The following VGLL4 variants were observed in gnomAD, a reference collection of about 807,000 sequenced individuals.
VGLL4 encodes transcription cofactor vestigial-like protein 4.
VGLL4 carries 7 observed loss-of-function variants against 21.0 expected under a neutral mutation model. That is an observed-to-expected ratio of 0.33 (90% CI 0.19 to 0.63). The LOEUF is 0.63. VGLL4 is among the 20% of genes least tolerant of loss of function. The pLI is 0.78. For missense variants in VGLL4, 394 were observed against 425.7 expected, an observed-to-expected ratio of 0.93 and a Z score of 0.66; for synonymous variants, 222 against 173.2, an observed-to-expected ratio of 1.28 and a Z score of -2.21.
At chr3:11,622,644 T>C (rs2075283817) in intron 1 of VGLL4, among the ~76,000 whole-genome samples, 1 of 152,254 alleles carries the variant, frequency 6.6e-6, no homozygotes, top group African/African-American at 2.4e-5. Flanking sequence ...TATTAACTTC[T>C]AGCAAATTAA....
intron 1 of VGLL4, among the ~76,000 whole-genome samples, chr3:11,626,111 T>C (rs558073151): frequency 9.5e-4 from 145 of 152,352 alleles, no homozygotes; most frequent in African/African-American, 3.3e-3. Flanking sequence ...TTAAAAGCTA[T>C]AGCAGAAAGA....
intron 2 of VGLL4, among the ~76,000 whole-genome samples, chr3:11,572,421 G>A (rs995568654): frequency 2.0e-5 from 3 of 152,186 alleles, no homozygotes; most frequent in African/African-American, 7.2e-5. Flanking sequence ...CTCAGAACTA[G>A]CAAATGAAAA....
chr3:11,671,706 T>A (rs1032614503), intron 2 of VGLL4, among the ~76,000 whole-genome samples: 4 of 151,270 alleles, frequency 2.6e-5, no homozygotes, highest in Non-Finnish European at 5.9e-5. Context: ...TGAAGATATG[T>A]GATCTAAAAA....
In VGLL4 at chr3:11,556,756, A is replaced by ATGG. The variant is rs1379367319; in HGVS notation, c.*1797_*1799dup. ...TACATTCTTTACGCACAGCGTAACG[A>ATGG]TGGTCTCAAAATCACCCATATAGAA... On this transcript the variant is annotated 3_prime_UTR_variant, in exon 5 of 5. Coordinates refer to ENST00000430365, the MANE Select transcript of VGLL4 (RefSeq NM_001128219.3). 1 of 152,676 alleles carries ATGG rather than the reference A, an allele frequency of 6.5e-6. No individual in the cohort carries two copies. Among genetic ancestry groups the ATGG allele is most frequent in the Non-Finnish European group, 1.5e-5 (1 of 68,046 alleles). The allele number at this position is 152,676 out of a possible 1,614,324, so 9.5% of individuals were successfully genotyped here.
chr3:11,652,215 TACAAAA>T (rs2075882210), intron 2 of VGLL4, among the ~76,000 whole-genome samples: 1 of 152,192 alleles, frequency 6.6e-6, no homozygotes, highest in Admixed American at 6.5e-5. Context: ...ATATTTCAAA[TACAAAA>T]ATAAACCTTA....
chr3:11,677,959 T>A (rs1477219379), intron 2 of VGLL4, among the ~76,000 whole-genome samples: 17 of 150,798 alleles, frequency 1.1e-4, no homozygotes. Flanking sequence ...TGTGTAGCCA[T>A]ATTGCTTTAC....
chr3:11,655,702 G>A (rs762861780), intron 2 of VGLL4, among the ~76,000 whole-genome samples: 6 of 152,216 alleles, frequency 3.9e-5, no homozygotes, highest in Non-Finnish European at 7.3e-5. Flanking sequence ...AGCATTTGCC[G>A]GAGGAAACAG....
chr3:11,655,371 T>C (rs1188261117), intron 2 of VGLL4, among the ~76,000 whole-genome samples: 14 of 152,170 alleles, frequency 9.2e-5, no homozygotes, highest in Non-Finnish European at 5.9e-5. Context: ...AATGAGTTAG[T>C]TGCTCGTGGG....
intron 2 of VGLL4, among the ~76,000 whole-genome samples, chr3:11,701,806 C>T (rs2076684472): frequency 6.6e-6 from 1 of 152,148 alleles, no homozygotes; most frequent in African/African-American, 2.4e-5. Context: ...AAACGTCAAC[C>T]TAAATTTTTT....
chr3:11,675,424 A>G (rs775826024), intron 2 of VGLL4, among the ~76,000 whole-genome samples: 7 of 152,196 alleles, frequency 4.6e-5, no homozygotes, highest in Non-Finnish European at 8.8e-5. Context: ...TGCTTACTAC[A>G]TTCAGGGGTT....
chr3:11,562,271 T>C (rs552894607), intron 3 of VGLL4, among the ~76,000 whole-genome samples: 1 of 152,298 alleles, frequency 6.6e-6, no homozygotes, highest in Non-Finnish European at 1.5e-5. Context: ...TTGGTGTTTG[T>C]CTGTCCTGAG....
chr3:11,619,037 G>A (rs181894081), intron 1 of VGLL4, among the ~76,000 whole-genome samples: 40 of 152,292 alleles, frequency 2.6e-4, no homozygotes, highest in East Asian at 1.9e-3. Context: ...AGTTGTGGCC[G>A]TTTCTGGGCC....
chr3:11,566,652 C>CT (rs1374879933), intron 2 of VGLL4, among the ~76,000 whole-genome samples: 16 of 152,180 alleles, frequency 1.1e-4, no homozygotes, highest in Admixed American at 9.2e-4. Flanking sequence ...GCCTCTGTGG[C>CT]TGTGTACACG....
rs981109190 is a variant in VGLL4, at chr3:11,557,282, T to C, written c.*1274A>G. ...AACAGTATAAAGTCAGAGGAATGTA[T>C]ACTGCCTTGGCCCCAGCGTACGAGG... On this transcript the variant is annotated 3_prime_UTR_variant, in exon 5 of 5. Coordinates refer to ENST00000430365, the MANE Select transcript of VGLL4 (RefSeq NM_001128219.3). 6.5e-6 allele frequency: 1 copy of C among 152,834 alleles called. No individual in the cohort carries two copies. The highest frequency in any genetic ancestry group is 1.5e-5 in the Non-Finnish European group (1 of 68,054). 9.5% of individuals were successfully genotyped at this position (152,834 alleles called of 1,614,324 possible).
intron 2 of VGLL4, among the ~76,000 whole-genome samples, chr3:11,688,442 A>G (rs549075083): frequency 6.6e-6 from 1 of 152,298 alleles, no homozygotes; most frequent in African/African-American, 2.4e-5. Context: ...TTATTGACCA[A>G]TTTAGGTTTT....
chr3:11,684,359 C>A (rs1395641970), intron 2 of VGLL4, among the ~76,000 whole-genome samples: 1 of 151,846 alleles, frequency 6.6e-6, no homozygotes, highest in Non-Finnish European at 1.5e-5. Context: ...ACAAATTTAG[C>A]ATGAGGTAAA....
At chr3:11,564,315 G>C (rs1191626633) in intron 3 of VGLL4, among the ~76,000 whole-genome samples, 1 of 152,122 alleles carries the variant, frequency 6.6e-6, no homozygotes, top group African/African-American at 2.4e-5. Context: ...TCACAACCCT[G>C]TGACCATCAA....
chr3:11,688,343 G>C (rs1384434017), intron 2 of VGLL4, among the ~76,000 whole-genome samples: 1 of 152,106 alleles, frequency 6.6e-6, no homozygotes, highest in Non-Finnish European at 1.5e-5. Context: ...ATAACATAGG[G>C]AAATCTGTTT....
intron 2 of VGLL4, among the ~76,000 whole-genome samples, chr3:11,676,406 A>T (rs995739105): frequency 0.032 from 1,062 of 33,556 alleles, 10 homozygotes; most frequent in South Asian, 0.064. Context: ...AAAAAAAAAA[A>T]AAAATAAAAT....
Sources: allele counts gnomAD v4.1 joint callset (sites outside exome capture counted in the v4.1 genomes callset), GRCh38; gene constraint gnomAD v4.1.1; transcripts MANE v1.5; gene names NCBI Gene and HGNC (gene_info 2026-07-23, HGNC 2026-07-21).